SOX5: variants seen among roughly 807,000 people sequenced by gnomAD.
SOX5 encodes the protein transcription factor SOX-5.
A neutral mutation model predicts 92.0 loss-of-function variants in SOX5; 9 were observed. That is an observed-to-expected ratio of 0.10 (90% confidence interval 0.06 to 0.17). SOX5 has a LOEUF of 0.17. SOX5 is among the 10% of genes least tolerant of loss of function. The pLI is 1.00. For synonymous variants in SOX5, 344 were observed against 336.3 expected, an observed-to-expected ratio of 1.02 and a Z score of -0.25; for missense variants, 642 against 944.5, an observed-to-expected ratio of 0.68 and a Z score of 4.20.
chr12:23,896,135 G>T, intron 1 of SOX5, 111 bp from the exon 2 acceptor site: 1 of 731,532 alleles, frequency 1.4e-6, no homozygotes, highest in South Asian at 1.7e-5. Flanking sequence ...TGCTAGCAGA[G>T]AGCAGGAAAC....
upstream of SOX5, among the ~76,000 whole-genome samples, chr12:23,952,676 A>G (rs1444764284): frequency 6.6e-6 from 1 of 152,204 alleles, no homozygotes; most frequent in African/African-American, 2.4e-5. Flanking sequence ...GAGGAACTAG[A>G]CAGAAAATTT....
chr12:23,794,705 T>C (rs1211040262), intron 3 of SOX5, among the ~76,000 whole-genome samples: 1 of 152,158 alleles, frequency 6.6e-6, no homozygotes, highest in Non-Finnish European at 1.5e-5. Flanking sequence ...TTTTATTTCA[T>C]CCTTTTCATA....
intron 10 of SOX5, among the ~76,000 whole-genome samples, chr12:23,569,327 T>C (rs896948570): frequency 6.6e-6 from 1 of 152,176 alleles, no homozygotes; most frequent in Non-Finnish European, 1.5e-5. Context: ...TGACCTGTAA[T>C]AGCCCATGAA....
rs775371173 is a variant in SOX5 at position 23,896,032 on chromosome 12, G to C, written c.39-8C>G. The C allele has an allele frequency of 1.9e-6, 3 of 1,572,492 alleles. No individual in the cohort carries two copies. In the South Asian group the frequency reaches 3.3e-5, roughly 17 times the overall value. On this transcript the variant is annotated splice_region_variant and splice_polypyrimidine_tract_variant and intron_variant, in intron 1 of 14. Coordinates refer to ENST00000451604, the MANE Select transcript of SOX5 (RefSeq NM_006940.6). ...GGTCGCTTGGAAGACATCCTGGAAG[G>C]AACAAAAGAGGAGAAAATAATGAAA...
intron 4 of SOX5, among the ~76,000 whole-genome samples, chr12:24,051,027 G>A (rs1957512900): frequency 6.6e-6 from 1 of 151,856 alleles, no homozygotes; most frequent in South Asian, 2.1e-4. Context: ...ATTCTCCATA[G>A]CCAAAAACAT....
At chr12:24,226,673 A>T (rs1962079766) in intron 3 of SOX5, among the ~76,000 whole-genome samples, 1 of 151,808 alleles carries the variant, frequency 6.6e-6, no homozygotes, top group African/African-American at 2.4e-5. Context: ...GTTTCATCAC[A>T]TTGGCCAGGC....
intron 11 of SOX5, among the ~76,000 whole-genome samples, chr12:23,547,875 C>T (rs1337575617): frequency 6.6e-6 from 1 of 152,018 alleles, no homozygotes; most frequent in Non-Finnish European, 1.5e-5. Context: ...TTTTCAGCTG[C>T]TTCATATGTT....
intron 8 of SOX5, among the ~76,000 whole-genome samples, chr12:23,628,380 A>C (rs2078107385): frequency 6.6e-6 from 1 of 152,072 alleles, no homozygotes; most frequent in African/African-American, 2.4e-5. Context: ...ATGAAAGGAC[A>C]ATATTTTCTA....
chr12:24,256,600 A>C (rs945530177), intron 3 of SOX5, among the ~76,000 whole-genome samples: 2 of 134,772 alleles, frequency 1.5e-5, no homozygotes, highest in African/African-American at 5.4e-5. Context: ...CTTTCACCAA[A>C]TTGGAAGAGT....
At chr12:24,373,262 C>G (rs892755271) in intron 1 of SOX5, among the ~76,000 whole-genome samples, 1 of 152,102 alleles carries the variant, frequency 6.6e-6, no homozygotes. Context: ...ATAGTTGCTC[C>G]CTATCTCATT....
intron 1 of SOX5, among the ~76,000 whole-genome samples, chr12:24,428,536 C>T (rs983255203): frequency 1.3e-5 from 2 of 151,810 alleles, no homozygotes; most frequent in African/African-American, 4.8e-5. Context: ...CTTTCAGAAG[C>T]CTAGGCAAGA....
At chr12:23,759,244 C>A (rs1372572464) in intron 3 of SOX5, among the ~76,000 whole-genome samples, 2 of 151,912 alleles carry the variant, frequency 1.3e-5, no homozygotes, top group Non-Finnish European at 2.9e-5. Context: ...AGGGTGTGGT[C>A]CAATTATATG....
At chr12:23,737,813 C>T (rs904991102) in intron 5 of SOX5, among the ~76,000 whole-genome samples, 2 of 152,110 alleles carry the variant, frequency 1.3e-5, no homozygotes, top group East Asian at 1.9e-4. Flanking sequence ...TTCTGGAATA[C>T]TCTGCCTAGA....
At chr12:23,985,721 T>C (rs745700288) in intron 4 of SOX5, among the ~76,000 whole-genome samples, 1 of 151,948 alleles carries the variant, frequency 6.6e-6, no homozygotes, top group Non-Finnish European at 1.5e-5. Flanking sequence ...CTATTGCTGG[T>C]ATACCAAATT....
intron 1 of SOX5, among the ~76,000 whole-genome samples, chr12:24,457,365 T>C (rs893194695): frequency 2.6e-5 from 4 of 152,220 alleles, no homozygotes; most frequent in African/African-American, 9.6e-5. Flanking sequence ...TGAATCACAG[T>C]AGGCCAGTCA....
chr12:24,223,033 C>G (rs1045157737), intron 3 of SOX5, among the ~76,000 whole-genome samples: 5 of 152,160 alleles, frequency 3.3e-5, no homozygotes, highest in African/African-American at 1.2e-4. Context: ...TACATGTGAC[C>G]TTTTCTCTAT....
chr12:23,819,726 G>A (rs1381191150), intron 3 of SOX5, among the ~76,000 whole-genome samples: 2 of 152,098 alleles, frequency 1.3e-5, no homozygotes, highest in South Asian at 2.1e-4. Context: ...ATGGTTTCCA[G>A]TGTATCCATG....
chr12:23,744,865 T>G (rs2093927708), intron 4 of SOX5, among the ~76,000 whole-genome samples: 1 of 152,128 alleles, frequency 6.6e-6, no homozygotes, highest in African/African-American at 2.4e-5. Context: ...AGTCTAAGAT[T>G]AAGTTGTCAA....
rs542579933 is a variant in SOX5, at chr12:23,650,777, C to T, written c.932-9880G>A. ...CAAGTAGAGCTCATATCTTGAAGAG[C>T]CTTATGTTTTCCTTTGAAGACAACG... On this transcript the variant is annotated intron_variant, in intron 7 of 14. Coordinates refer to ENST00000451604, the MANE Select transcript of SOX5 (RefSeq NM_006940.6). Among the ~76,000 whole-genome samples the T allele has an allele frequency of 2.0e-5, 3 of 152,168 alleles. No individual in the cohort carries two copies. In the South Asian group the frequency reaches 6.2e-4, roughly 31 times the overall value.
Sources: gnomAD v4.1 joint callset for allele counts (sites outside exome capture counted in the v4.1 genomes callset) on GRCh38, gnomAD v4.1.1 for gene constraint, MANE v1.5 for transcripts, NCBI Gene and HGNC (gene_info 2026-07-23, HGNC 2026-07-21) for gene names.